Variants in APBA1 observed in about 807,000 individuals in gnomAD.
APBA1 encodes amyloid-beta A4 precursor protein-binding family A member 1.
Under a neutral mutation model 86.6 loss-of-function variants are expected in APBA1, and 55 were observed. The observed-to-expected ratio is 0.64, with a 90% CI of 0.51 to 0.80. The LOEUF (loss-of-function observed/expected upper bound fraction) is 0.80, where lower values mean the gene tolerates loss of function less well. Ranked by LOEUF, APBA1 falls within the 30% of genes least tolerant of loss-of-function variation. APBA1 has a pLI of 0.00. For synonymous variants in APBA1, 511 were observed against 493.9 expected, an observed-to-expected ratio of 1.03 and a Z score of -0.46; for missense variants, 1,090 against 1,183.0, an observed-to-expected ratio of 0.92 and a Z score of 1.15.
chr9:69,649,915 T>C (rs1296657448), intron 1 of APBA1, among the ~76,000 whole-genome samples: 1 of 152,206 alleles, frequency 6.6e-6, no homozygotes, highest in African/African-American at 2.4e-5. Context: ...GTTGGCATCC[T>C]TTAAACATCT....
intron 4 of APBA1, among the ~76,000 whole-genome samples, 156 bp from the exon 5 acceptor site, chr9:69,468,124 C>G (rs1401057525): frequency 6.6e-6 from 1 of 152,154 alleles, no homozygotes; most frequent in Non-Finnish European, 1.5e-5. Flanking sequence ...CTATCTGCAC[C>G]CACACCTCAT....
At chr9:69,456,144 G>T in intron 8 of APBA1, 103 bp downstream of exon 8, 2 of 1,266,616 alleles carry the variant, frequency 1.6e-6, no homozygotes, top group Non-Finnish European at 2.3e-6. Context: ...CACAGTACGT[G>T]CACAATAAAT....
chr9:69,630,453 C>G (rs1588401828), intron 1 of APBA1, among the ~76,000 whole-genome samples: 1 of 152,132 alleles, frequency 6.6e-6, no homozygotes, highest in South Asian at 2.1e-4. Context: ...ACCATTCCAC[C>G]CTCCTGGTCG....
intron 5 of APBA1, among the ~76,000 whole-genome samples, chr9:69,459,101 G>A (rs1021758505): frequency 3.9e-5 from 6 of 152,208 alleles, no homozygotes; most frequent in Non-Finnish European, 8.8e-5. Context: ...ACCGCGCCTG[G>A]CCTCTAGTTA....
intron 1 of APBA1, among the ~76,000 whole-genome samples, chr9:69,667,641 T>C (rs1007332946): frequency 6.6e-6 from 1 of 150,834 alleles, no homozygotes; most frequent in Non-Finnish European, 1.5e-5. Flanking sequence ...TTTCAATCTC[T>C]TTTTCCCTCA....
At chr9:69,626,352 CTTT>C (rs1289242405) in intron 1 of APBA1, among the ~76,000 whole-genome samples, 2 of 151,266 alleles carry the variant, frequency 1.3e-5, no homozygotes, top group African/African-American at 4.9e-5. Context: ...TTGTTTTTGG[CTTT>C]TTTTTCCCCA....
At chr9:69,667,277 C>G (rs1001577970) in intron 1 of APBA1, among the ~76,000 whole-genome samples, 2 of 152,136 alleles carry the variant, frequency 1.3e-5, no homozygotes, top group Non-Finnish European at 2.9e-5. Context: ...GCTCACTATA[C>G]AAAAATTACT....
At chr9:69,602,212 T>G (rs1822364462) in intron 1 of APBA1, among the ~76,000 whole-genome samples, 1 of 152,190 alleles carries the variant, frequency 6.6e-6, no homozygotes, top group Non-Finnish European at 1.5e-5. Context: ...GTTTTTAGTA[T>G]GATCACATGG....
chr9:69,517,249 G>A lies in APBA1; in HGVS notation c.-39C>T, dbSNP rs1428040298. 1.3e-5 allele frequency: 18 copies of A among 1,423,498 alleles called. No individual in the cohort carries two copies. The South Asian group carries it at 2.3e-4, about 18-fold the overall frequency. The allele number at this position is 1,423,498 out of a possible 1,614,324, so 88.2% of individuals were successfully genotyped here. On this transcript the variant is annotated 5_prime_UTR_variant, in exon 2 of 13. Transcript: ENST00000265381. The stretch of plus-strand genomic sequence containing the variant: ...ACGGCTAGGAGAGAAGCTGGGCCCG[G>A]CTCACTGCGCTCTCATTTTGCTCCA...
intron 1 of APBA1, among the ~76,000 whole-genome samples, chr9:69,666,442 A>T (rs765045121): frequency 3.3e-5 from 5 of 151,234 alleles, no homozygotes; most frequent in Non-Finnish European, 7.4e-5. Context: ...ATTCTTCGTC[A>T]TAGCACTTAC....
intron 7 of APBA1, among the ~76,000 whole-genome samples, chr9:69,456,741 G>C (rs1349410871): frequency 1.3e-5 from 2 of 151,022 alleles, no homozygotes; most frequent in African/African-American, 4.9e-5. Context: ...TTCTGTTTTT[G>C]TGTGCGTGAA....
intron 1 of APBA1, among the ~76,000 whole-genome samples, chr9:69,570,089 C>T (rs1837092127): frequency 6.6e-6 from 1 of 152,174 alleles, no homozygotes; most frequent in Non-Finnish European, 1.5e-5. Context: ...AGAGGTGGTG[C>T]AGGAGTCATC....
chr9:69,491,530 C>A (rs961545457), intron 2 of APBA1, among the ~76,000 whole-genome samples: 8 of 151,694 alleles, frequency 5.3e-5, no homozygotes, highest in African/African-American at 1.5e-4. Flanking sequence ...GTGCAGCACA[C>A]CAACGTGGCG....
At chr9:69,488,661 G>A (rs544305036) in intron 2 of APBA1, among the ~76,000 whole-genome samples, 6 of 152,252 alleles carry the variant, frequency 3.9e-5, no homozygotes, top group Admixed American at 2.6e-4. Context: ...GGGGTGGAGA[G>A]GCCACCTACA....
At position 69,427,985 on chromosome 9, in the gene APBA1, G is replaced by C. The variant is rs1834517258; in HGVS notation, c.*3342C>G. 3 of 152,312 alleles carry C rather than the reference G, an allele frequency of 2.0e-5. No individual in the cohort carries two copies. In the South Asian group the frequency reaches 6.2e-4, roughly 32 times the overall value. The allele number at this position is 152,312 out of a possible 1,614,324, so 9.4% of individuals were successfully genotyped here. ...GTCCTCACACACTGCCTTGATGGAG[G>C]GGAAGAAAGATCGAGTTGTGTGCTC... On this transcript the variant is annotated 3_prime_UTR_variant, in exon 13 of 13. Coordinates refer to ENST00000265381, the MANE Select transcript of APBA1 (RefSeq NM_001163.4).
intron 2 of APBA1, among the ~76,000 whole-genome samples, chr9:69,495,690 C>T (rs1201229503): frequency 2.0e-5 from 3 of 152,080 alleles, no homozygotes; most frequent in South Asian, 2.1e-4. Context: ...AAAATAAACT[C>T]GGCTCTGAAT....
chr9:69,537,380 A>G (rs927360604), intron 1 of APBA1, among the ~76,000 whole-genome samples: 1 of 152,052 alleles, frequency 6.6e-6, no homozygotes, highest in Admixed American at 6.6e-5. Flanking sequence ...TTTCACTGGG[A>G]CAGCTGTCAA....
At chr9:69,590,850 A>C (rs1822115387) in intron 1 of APBA1, among the ~76,000 whole-genome samples, 1 of 152,226 alleles carries the variant, frequency 6.6e-6, no homozygotes, top group Non-Finnish European at 1.5e-5. Flanking sequence ...GCTAAATGGC[A>C]TAGAGAATAT....
rs370230255 is a variant in APBA1 at position 69,658,284 on chromosome 9, C to CTTTTTCTTTCTTTCTTTCTT, written c.-70+13868_-70+13869insAAGAAAGAAAGAAAGAAAAA. On this transcript the variant is annotated intron_variant, in intron 1 of 12. Transcript: ENST00000265381. ...TCTTTCTTTCTTTCTTTCTTTCTTT[C>CTTTTTCTTTCTTTCTTTCTT]TCTCTCTCTTTCTCTCTCTCTCTTT... is the stretch of plus-strand genomic sequence containing the variant. Among the ~76,000 whole-genome samples the CTTTTTCTTTCTTTCTTTCTT allele has an allele frequency of 2.0e-3, 151 of 75,552 alleles. 2 individuals are homozygous for CTTTTTCTTTCTTTCTTTCTT. Among genetic ancestry groups the CTTTTTCTTTCTTTCTTTCTT allele is most frequent in the East Asian group, 5.1e-3 (12 of 2,342 alleles). The allele number at this position is 75,552 out of a possible 152,430, so 49.6% of individuals were successfully genotyped here.
Sources: allele counts gnomAD v4.1 joint callset (sites outside exome capture counted in the v4.1 genomes callset), GRCh38; gene constraint gnomAD v4.1.1; transcripts MANE v1.5; gene names NCBI Gene and HGNC (gene_info 2026-07-23, HGNC 2026-07-21).